SRP9: variants seen among roughly 807,000 people sequenced by gnomAD.
The protein encoded by SRP9 is signal recognition particle 9, also known as signal recognition particle 9 kDa protein.
A neutral mutation model predicts 11.7 loss-of-function variants in SRP9; 2 were observed. The observed-to-expected ratio is 0.17, with a 90% confidence interval of 0.07 to 0.54. The LOEUF is 0.54. SRP9 is among the 20% of genes least tolerant of loss of function. SRP9 has a pLI of 0.94. For missense variants in SRP9, 54 were observed against 108.1 expected (o/e 0.50, Z 2.22); for synonymous variants, 27 against 35.6 (o/e 0.76, Z 0.86).
At chr1:225,783,545 T>G (rs1028965129) in intron 2 of SRP9, among the ~76,000 whole-genome samples, 177 bp downstream of exon 2, 1 of 152,242 alleles carries the variant, frequency 6.6e-6, no homozygotes, top group African/African-American at 2.4e-5. Context: ...AGGAAATTAT[T>G]TAACCTGCTT....
intron 2 of SRP9, among the ~76,000 whole-genome samples, chr1:225,787,974 C>T (rs1279474811): frequency 6.6e-6 from 1 of 152,144 alleles, no homozygotes; most frequent in East Asian, 1.9e-4. Context: ...ATTATAGGAT[C>T]ATTAGTTCCT....
At chr1:225,784,545 G>T (rs546920551) in intron 2 of SRP9, among the ~76,000 whole-genome samples, 1 of 150,668 alleles carries the variant, frequency 6.6e-6, no homozygotes, top group Non-Finnish European at 1.5e-5. Flanking sequence ...CACCCCACCC[G>T]GCCTATCATC....
chr1:225,780,318 G>T (rs1292564821), intron 1 of SRP9, among the ~76,000 whole-genome samples: 1 of 151,698 alleles, frequency 6.6e-6, no homozygotes, highest in Non-Finnish European at 1.5e-5. Flanking sequence ...CATGGCGCCT[G>T]GCTTGACTGA....
intron 2 of SRP9, among the ~76,000 whole-genome samples, chr1:225,788,705 C>T (rs887406107): frequency 2.6e-5 from 4 of 152,302 alleles, no homozygotes; most frequent in South Asian, 4.1e-4. Flanking sequence ...TAAGCCACCA[C>T]GCCTGGCCAA....
At chr1:225,786,962 C>G (rs2102651657) in intron 2 of SRP9, 1 of 504,534 alleles carries the variant, frequency 2.0e-6, no homozygotes, top group Middle Eastern at 4.3e-4. Context: ...CTTGCTTCAG[C>G]CTCCTGAATA....
chr1:225,783,598 C>A (rs1665840039), intron 2 of SRP9, among the ~76,000 whole-genome samples: 1 of 152,198 alleles, frequency 6.6e-6, no homozygotes, highest in African/African-American at 2.4e-5. Flanking sequence ...GTGCTGTCTT[C>A]AGACCTTAAG....
intron 1 of SRP9, among the ~76,000 whole-genome samples, chr1:225,778,820 A>G (rs372368239): frequency 6.6e-6 from 1 of 152,336 alleles, no homozygotes; most frequent in South Asian, 2.1e-4. Context: ...TTCTTTTTAG[A>G]ACTCAGCATA....
intron 1 of SRP9, among the ~76,000 whole-genome samples, chr1:225,781,370 G>A (rs12033707): frequency 0.35 from 50,887 of 146,048 alleles, 9,413 homozygotes; most frequent in East Asian, 0.62. Flanking sequence ...TTATAAACAC[G>A]ATTGGCCTTT....
rs1366810074 is a variant in SRP9 at position 225,789,956 on chromosome 1, A to G, written c.*597A>G. ...TTCCACATTTAAACTACCTGTTAAT[A>G]TAAGGGATTTGTAGTATCAGCTTGT... On this transcript the variant is annotated 3_prime_UTR_variant, in exon 3 of 3. Transcript: ENST00000304786. The G allele has an allele frequency of 6.6e-6, 1 of 152,448 alleles. No homozygotes were observed. Among genetic ancestry groups the G allele is most frequent in the African/African-American group, 2.4e-5 (1 of 41,470 alleles). The allele number at this position is 152,448 out of a possible 1,614,324, so 9.4% of individuals were successfully genotyped here.
rs1201399411 is a variant in SRP9 at position 225,789,968 on chromosome 1, TAGTATC to T, written c.*612_*617del. The T allele has an allele frequency of 6.6e-6, 1 of 152,394 alleles. No homozygotes were observed. Among genetic ancestry groups the T allele is most frequent in the Middle Eastern group, 3.2e-3 (1 of 316 alleles). 9.4% of individuals were successfully genotyped at this position (152,394 alleles called of 1,614,324 possible). On this transcript the variant is annotated 3_prime_UTR_variant, in exon 3 of 3. Transcript: ENST00000304786. ...ACTACCTGTTAATATAAGGGATTTG[TAGTATC>T]AGCTTGTTGAGCAATGACTTTGAAT...
At chr1:225,784,413 A>AT (rs71170100) in intron 2 of SRP9, among the ~76,000 whole-genome samples, 35,397 of 146,268 alleles carry the variant, frequency 0.24, 4,364 homozygotes, top group South Asian at 0.34. Flanking sequence ...CGCCCAGCTA[A>AT]TTTTTTTTTG....
chr1:225,779,126 A>G (rs1398948594), intron 1 of SRP9, among the ~76,000 whole-genome samples: 4 of 150,422 alleles, frequency 2.7e-5, no homozygotes, highest in Non-Finnish European at 5.9e-5. Flanking sequence ...GGGGCTCAGG[A>G]TCTTTTTTTT....
chr1:225,789,151 A>T, intron 2 of SRP9, 89 bp from the exon 3 acceptor site: 1 of 1,552,464 alleles, frequency 6.4e-7, no homozygotes, highest in African/African-American at 1.4e-5. Context: ...GGTAGGAAAA[A>T]CTCTCAAAAT....
At chr1:225,784,079 A>T (rs1360384450) in intron 2 of SRP9, among the ~76,000 whole-genome samples, 1 of 151,514 alleles carries the variant, frequency 6.6e-6, no homozygotes, top group Non-Finnish European at 1.5e-5. Flanking sequence ...CAGCTTCTGG[A>T]GCAGTTCATT....
intron 1 of SRP9, among the ~76,000 whole-genome samples, chr1:225,781,330 G>A (rs1665791091): frequency 6.6e-6 from 1 of 150,812 alleles, no homozygotes; most frequent in East Asian, 1.9e-4. Flanking sequence ...ATGGTGACTT[G>A]GCACCCTCTA....
At chr1:225,778,220 C>T (rs1665721946) in intron 1 of SRP9, among the ~76,000 whole-genome samples, 1 of 152,258 alleles carries the variant, frequency 6.6e-6, no homozygotes, top group African/African-American at 2.4e-5. Context: ...CAGCCAGGTT[C>T]ATCTCAGCCC....
chr1:225,785,283 T>G (rs991303747), intron 2 of SRP9, among the ~76,000 whole-genome samples: 14 of 150,468 alleles, frequency 9.3e-5, no homozygotes, highest in Non-Finnish European at 1.9e-4. Flanking sequence ...TTCACCATGT[T>G]GACCAGGATG....
intron 2 of SRP9, among the ~76,000 whole-genome samples, chr1:225,786,106 G>T (rs1056051594): frequency 3.9e-5 from 6 of 152,194 alleles, no homozygotes; most frequent in Non-Finnish European, 7.3e-5. Context: ...CTCCTTTAAT[G>T]TGCTGTGATG....
At chr1:225,785,914 G>C (rs1665900365) in intron 2 of SRP9, among the ~76,000 whole-genome samples, 4 of 152,022 alleles carry the variant, frequency 2.6e-5, no homozygotes, top group African/African-American at 9.7e-5. Flanking sequence ...TTGAACTCCT[G>C]ACCTCAAGCG....
Sources: gnomAD v4.1 joint callset for allele counts (sites outside exome capture counted in the v4.1 genomes callset) on GRCh38, gnomAD v4.1.1 for gene constraint, MANE v1.5 for transcripts, NCBI Gene and HGNC (gene_info 2026-07-23, HGNC 2026-07-21) for gene names.